Variants in ADRA1A observed in about 807,000 individuals in gnomAD.
ADRA1A encodes the protein adrenoceptor alpha 1A.
ADRA1A carries 31 observed loss-of-function variants against 29.6 expected under a neutral mutation model. That is an observed-to-expected ratio of 1.05 (90% CI 0.79 to 1.41). The LOEUF (loss-of-function observed/expected upper bound fraction) is 1.41. Ranked by LOEUF, ADRA1A falls within the 40% of genes most tolerant of loss-of-function variation. The pLI is 0.00. For missense variants in ADRA1A, 619 were observed against 601.1 expected, an observed-to-expected ratio of 1.03 and a Z score of -0.31; for synonymous variants, 311 against 254.3, an observed-to-expected ratio of 1.22 and a Z score of -2.12.
At chr8:26,811,245 T>G (rs1424884878) in intron 2 of ADRA1A, among the ~76,000 whole-genome samples, 3 of 151,050 alleles carry the variant, frequency 2.0e-5, no homozygotes, top group Non-Finnish European at 4.4e-5. Context: ...CAGGCTGGAG[T>G]GCAGTGGCGC....
In ADRA1A at chr8:26,864,039, G is replaced by A. The variant is rs1563319500; in HGVS notation, c.883+48C>T. ...GGAGTCTGGGGTAACAGAAGCCGAG[G>A]AGGGTGAAGACCCCCAGATGCTAAA... On this transcript the variant is annotated intron_variant, in intron 2 of 2. Transcript: ENST00000380573. The surrounding 1 kb of genome is among the most constrained non-coding windows in gnomAD (Gnocchi z 8.1). The A allele has an allele frequency of 6.5e-7, 1 of 1,549,006 alleles. No homozygotes were observed. Among genetic ancestry groups the A allele is most frequent in the Non-Finnish European group, 8.7e-7 (1 of 1,147,740 alleles).
intron 2 of ADRA1A, among the ~76,000 whole-genome samples, chr8:26,834,850 A>G (rs472151): frequency 0.56 from 85,008 of 152,046 alleles, 25,151 homozygotes; most frequent in African/African-American, 0.7. Context: ...GGTAAAACAT[A>G]CAGACTTCTA....
rs1809728178 is a variant in ADRA1A, at chr8:26,815,990, T to TA, written c.884-45325_884-45324insT. ...TTGCTTTATCATGAGCCTTGAAAAG[T>TA]CGCTGGTTCCATGGCAGCTGTACCC... On this transcript the variant is annotated intron_variant, in intron 2 of 2. Transcript: ENST00000380573. This position sits in a 1 kb window ranked among gnomAD's most constrained non-coding sequence, Gnocchi z 4.2. 6.6e-6 allele frequency among the ~76,000 whole-genome samples: 1 copy of TA among 152,134 alleles called. No homozygotes were observed. Among genetic ancestry groups the TA allele is most frequent in the Non-Finnish European group, 1.5e-5 (1 of 68,026 alleles).
Position 26,770,467 on chromosome 8 carries a change from G to T in ADRA1A, c.1083C>A (p.His361Gln), listed in dbSNP as rs140157368. 1.9e-6 allele frequency: 3 copies of T among 1,614,198 alleles called. No individual in the cohort carries two copies. In the Admixed American group the frequency reaches 5.0e-5, roughly 27 times the overall value. ...SSKHALGYTL[H>Q]PPSQAVEGQH... ...GCCCTTCCACGGCCTGGCTGGGCGG[G>T]TGCAGGGTGTAGCCCAGGGCATGTT... is the stretch of plus-strand genomic sequence containing the variant. The change falls in exon 3 of 3, where the codon CAC (histidine) becomes CAA (glutamine). Residue 361 changes from histidine (H) to glutamine (Q), a missense_variant. His to Gln is a conservative substitution (Grantham distance 24). Coordinates refer to ENST00000380573, the MANE Select transcript of ADRA1A (RefSeq NM_000680.4).
chr8:26,762,530 A>T (rs1175754269), downstream of ADRA1A, among the ~76,000 whole-genome samples: 1 of 152,128 alleles, frequency 6.6e-6, no homozygotes, highest in African/African-American at 2.4e-5. The surrounding 1 kb of genome is among the most constrained non-coding windows in gnomAD (Gnocchi z 4.0). Context: ...GAGCAAGGGC[A>T]CCCACCCCAG....
downstream of ADRA1A, among the ~76,000 whole-genome samples, chr8:26,766,953 A>G (rs1805824771): frequency 6.6e-6 from 1 of 152,162 alleles, no homozygotes; most frequent in Admixed American, 6.5e-5. Flanking sequence ...TAGATATGCT[A>G]TGTGACGACA....
chr8:26,808,386 A>AT (rs1424513311), intron 2 of ADRA1A, among the ~76,000 whole-genome samples: 1 of 152,136 alleles, frequency 6.6e-6, no homozygotes, highest in East Asian at 1.9e-4. Context: ...CTAGTGCTGG[A>AT]TTTTTTTCAT....
At chr8:26,776,612 C>G (rs1264037607) in intron 2 of ADRA1A, among the ~76,000 whole-genome samples, 2 of 152,192 alleles carry the variant, frequency 1.3e-5, no homozygotes, top group Non-Finnish European at 2.9e-5. Context: ...TGCCGTTTAG[C>G]AACCCTACGA....
At position 26,757,951 on chromosome 8, in the gene ADRA1A, T is replaced by C. The variant is rs377020044; in HGVS notation, c.1270-1172A>G. On this transcript the variant is annotated intron_variant, in intron 2 of 2. Coordinates refer to the ADRA1A transcript ENST00000380582. ...GACAACTATGATAACTTAATATACT[T>C]TCTATTGCTAAGTAAGTAGCCAATG... Among the ~76,000 whole-genome samples, 3 of 152,336 alleles carry C rather than the reference T, an allele frequency of 2.0e-5. No homozygotes were observed. In the South Asian group the frequency reaches 6.2e-4, roughly 32 times the overall value.
intron 2 of ADRA1A, among the ~76,000 whole-genome samples, chr8:26,834,045 A>T (rs1330419427): frequency 6.6e-6 from 1 of 152,228 alleles, no homozygotes; most frequent in African/African-American, 2.4e-5. Context: ...TGTAATAAGA[A>T]AGCAGGAAGG....
chr8:26,782,465 T>C (rs997506951), intron 2 of ADRA1A, among the ~76,000 whole-genome samples: 13 of 152,316 alleles, frequency 8.5e-5, no homozygotes, highest in African/African-American at 3.1e-4. Flanking sequence ...TAAAAGGCAA[T>C]AGAGTATGGT....
intron 2 of ADRA1A, among the ~76,000 whole-genome samples, chr8:26,828,284 CT>C (rs1000445817): frequency 6.6e-6 from 1 of 151,984 alleles, no homozygotes; most frequent in Non-Finnish European, 1.5e-5. Context: ...TCTGCCTTTT[CT>C]TTTTTTTCTT....
In ADRA1A at chr8:26,860,686, T is replaced by G. The variant is rs187891985; in HGVS notation, c.883+3401A>C. Among the ~76,000 whole-genome samples the G allele has an allele frequency of 6.6e-6, 1 of 152,186 alleles. No homozygotes were observed. The highest frequency in any genetic ancestry group is 1.5e-5 in the Non-Finnish European group (1 of 68,030). On this transcript the variant is annotated intron_variant, in intron 2 of 2. Coordinates refer to ENST00000380573, the MANE Select transcript of ADRA1A (RefSeq NM_000680.4). The surrounding 1 kb of genome is among the most constrained non-coding windows in gnomAD (Gnocchi z 4.7). ...TTTCACTGAGGACATAAACATATCC[T>G]AAAGAGATCACTATCTCTCTCCCTC...
rs185025994 is a variant in ADRA1A, at chr8:26,823,222, G to A, written c.883+40865C>T. Among the ~76,000 whole-genome samples, 150 of 152,322 alleles carry A rather than the reference G, an allele frequency of 9.8e-4. 2 individuals are homozygous for A. Among genetic ancestry groups the A allele is most frequent in the Non-Finnish European group, 3.4e-4 (23 of 68,030 alleles). On this transcript the variant is annotated intron_variant, in intron 2 of 2. Coordinates refer to ENST00000380573, the MANE Select transcript of ADRA1A (RefSeq NM_000680.4). This position sits in a 1 kb window ranked among gnomAD's most constrained non-coding sequence, Gnocchi z 4.2. ...AATATGTGGCTAGCCTTTCTGCAAA[G>A]TGTGCTCTTGTCTGTGACACATGCT... is the stretch of plus-strand genomic sequence containing the variant.
chr8:26,864,514 T>TGACCAGACGCAGAGCAGAGC lies in ADRA1A; in HGVS notation c.455_456insGCTCTGCTCTGCGTCTGGTC (p.Ser154CysfsTer86). On this transcript the variant is annotated frameshift_variant, in exon 2 of 3. Coordinates refer to ENST00000380573, the MANE Select transcript of ADRA1A (RefSeq NM_000680.4). LOFTEE classifies it high-confidence loss of function. The surrounding 1 kb of genome is among the most constrained non-coding windows in gnomAD (Gnocchi z 8.1). Reference sequence around the variant, plus strand: ...GTCCAATGGATATGACCAGGGAGAGTGCCCAGACGCAGAGCAGAGCCATGA... The same window carrying TGACCAGACGCAGAGCAGAGC: ...GTCCAATGGATATGACCAGGGAGAGTGACCAGACGCAGAGCAGAGCGCCCAGACGCAGAGCAGAGCCATGA... 1 of 1,613,074 alleles carries TGACCAGACGCAGAGCAGAGC rather than the reference T, an allele frequency of 6.2e-7. No homozygotes were observed.
intron 2 of ADRA1A, among the ~76,000 whole-genome samples, chr8:26,856,929 G>T (rs554817102): frequency 6.6e-6 from 1 of 152,326 alleles, no homozygotes; most frequent in African/African-American, 2.4e-5. Flanking sequence ...GGATTAAAGA[G>T]AAATGTAATT....
At chr8:26,818,550 C>T (rs1364857544) in intron 2 of ADRA1A, among the ~76,000 whole-genome samples, 1 of 151,944 alleles carries the variant, frequency 6.6e-6, no homozygotes, top group Admixed American at 6.6e-5. Context: ...AAGTATAATA[C>T]ATAGGAAAAG....
chr8:26,844,856 C>T (rs1026744915), intron 2 of ADRA1A, among the ~76,000 whole-genome samples: 5 of 152,092 alleles, frequency 3.3e-5, no homozygotes, highest in African/African-American at 1.2e-4. Context: ...TTCCCTGGAC[C>T]ACAGTGGAAG....
chr8:26,863,110 G>T (rs574893576), intron 2 of ADRA1A, among the ~76,000 whole-genome samples: 1 of 152,300 alleles, frequency 6.6e-6, no homozygotes, highest in East Asian at 1.9e-4. Context: ...CACTTGAAAT[G>T]GACTTTTATT....
Sources: allele counts gnomAD v4.1 joint callset (sites outside exome capture counted in the v4.1 genomes callset), GRCh38; gene constraint gnomAD v4.1.1; non-coding constraint Gnocchi (gnomAD v3.1); transcripts MANE v1.5; gene names NCBI Gene and HGNC (gene_info 2026-07-23, HGNC 2026-07-21).